EPHA3: variants seen among roughly 807,000 people sequenced by gnomAD.
EPHA3 encodes the protein EPH receptor A3, also known as ephrin type-A receptor 3.
EPHA3 carries 42 observed loss-of-function variants against 107.1 expected under a neutral mutation model. The ratio of observed to expected loss-of-function variants is 0.39; its 90% CI spans 0.31 to 0.51. The LOEUF (loss-of-function observed/expected upper bound fraction) is 0.51. Ranked by LOEUF, EPHA3 falls within the 20% of genes least tolerant of loss-of-function variation. The probability of loss-of-function intolerance (pLI) is 0.78; values close to 1 mark genes in which losing one functional copy is unlikely to be tolerated. For synonymous variants in EPHA3, 461 were observed against 424.8 expected (o/e 1.09, Z -1.05); for missense variants, 1,183 against 1,211.2 (o/e 0.98, Z 0.35).
intron 10 of EPHA3, among the ~76,000 whole-genome samples, chr3:89,417,377 A>C (rs1275126873): frequency 6.6e-6 from 1 of 151,520 alleles, no homozygotes. Context: ...AGAATATGTG[A>C]TGATGACATC....
intron 2 of EPHA3, among the ~76,000 whole-genome samples, chr3:89,189,010 G>A (rs1705640128): frequency 6.6e-6 from 1 of 152,176 alleles, no homozygotes; most frequent in Non-Finnish European, 1.5e-5. Flanking sequence ...TATAGTAAGT[G>A]CTTCTCTCAT....
At chr3:89,187,902 C>G (rs1326908748) in intron 2 of EPHA3, among the ~76,000 whole-genome samples, 1 of 152,058 alleles carries the variant, frequency 6.6e-6, no homozygotes, top group Admixed American at 6.6e-5. Flanking sequence ...TATTAATTAA[C>G]ACTAAAAATC....
At chr3:89,333,990 ATATCT>A (rs1248562415) in intron 3 of EPHA3, among the ~76,000 whole-genome samples, 7 of 152,170 alleles carry the variant, frequency 4.6e-5, no homozygotes, top group Admixed American at 3.9e-4. Context: ...AAAAGAGAAA[ATATCT>A]TATATTTTTA....
At chr3:89,139,953 GACAC>G (rs1704393658) in intron 2 of EPHA3, among the ~76,000 whole-genome samples, 3 of 151,808 alleles carry the variant, frequency 2.0e-5, no homozygotes, top group Admixed American at 2.0e-4. Flanking sequence ...CAAATCTGGA[GACAC>G]AGCAGACAAA....
At chr3:89,296,141 A>C (rs760049220) in intron 3 of EPHA3, among the ~76,000 whole-genome samples, 5 of 152,192 alleles carry the variant, frequency 3.3e-5, no homozygotes, top group Non-Finnish European at 7.4e-5. Context: ...AAGGATTGGA[A>C]TCAACTTCTT....
chr3:89,436,635 T>C (rs1299891992), intron 13 of EPHA3, among the ~76,000 whole-genome samples: 2 of 152,212 alleles, frequency 1.3e-5, no homozygotes, highest in Non-Finnish European at 2.9e-5. Context: ...GAGGAATGTA[T>C]AGAAATTATA....
chr3:89,294,796 T>A (rs1706305110), intron 3 of EPHA3, among the ~76,000 whole-genome samples: 1 of 152,214 alleles, frequency 6.6e-6, no homozygotes, highest in East Asian at 1.9e-4. Context: ...CTGAGTTGAT[T>A]TTGACTGATT....
chr3:89,479,492 T>G lies in EPHA3; in HGVS notation c.2942T>G (p.Val981Gly). Reference sequence around the variant, plus strand: ...GAAACGCAATCAAAGAATGGCCCAGTTCCCGTGTAAAGCACGGGACGGAAG... The same window carrying G: ...GAAACGCAATCAAAGAATGGCCCAGGTCCCGTGTAAAGCACGGGACGGAAG... The part of the protein sequence containing the change: ...ALETQSKNGP[V>G]PV The change falls in exon 17 of 17, where the codon GTT becomes GGT. Residue 981 changes from valine to glycine, a missense_variant. Transcript: ENST00000336596. 2 of 1,613,878 alleles carry G rather than the reference T, an allele frequency of 1.2e-6. No homozygotes were observed. Among genetic ancestry groups the G allele is most frequent in the Non-Finnish European group, 1.7e-6 (2 of 1,179,772 alleles).
At chr3:89,208,399 A>AAAGGAAGGAAGG (rs11272670) in intron 2 of EPHA3, among the ~76,000 whole-genome samples, 4,059 of 26,766 alleles carry the variant, frequency 0.15, 1,053 homozygotes, top group Non-Finnish European at 0.17. Context: ...GAAAGAAAGA[A>AAAGGAAGGAAGG]AAGGAAGGAA....
chr3:89,385,785 A>C (rs1268856375), intron 5 of EPHA3, among the ~76,000 whole-genome samples: 1 of 152,204 alleles, frequency 6.6e-6, no homozygotes, highest in Non-Finnish European at 1.5e-5. Context: ...GATAGTTTAG[A>C]ATTTCCAAGA....
At chr3:89,204,304 G>A (rs1256819913) in intron 2 of EPHA3, among the ~76,000 whole-genome samples, 2 of 152,084 alleles carry the variant, frequency 1.3e-5, no homozygotes, top group African/African-American at 2.4e-5. Flanking sequence ...GGTATGAATA[G>A]TAGCCATTAT....
chr3:89,451,266 C>A (rs1204028835), intron 15 of EPHA3, among the ~76,000 whole-genome samples: 1 of 151,338 alleles, frequency 6.6e-6, no homozygotes, highest in Non-Finnish European at 1.5e-5. Flanking sequence ...GTGGTTAGAA[C>A]AATGTAAATT....
chr3:89,413,273 A>T lies in EPHA3; in HGVS notation c.1888+7A>T, dbSNP rs1333465818. The T allele has an allele frequency of 6.2e-7, 1 of 1,611,412 alleles. No homozygotes were observed. Among genetic ancestry groups the T allele is most frequent in the South Asian group, 1.1e-5 (1 of 91,032 alleles). On this transcript the variant is annotated splice_region_variant and intron_variant, in intron 10 of 16. Transcript: ENST00000336596. ...GATAAAGTTGTTGGAGCAGGTAACC[A>T]CAATGACCCTACTGCCAACTTAGTA...
intron 12 of EPHA3, 76 bp downstream of exon 12, chr3:89,429,243 C>A: frequency 9.1e-7 from 1 of 1,097,248 alleles, no homozygotes; most frequent in Non-Finnish European, 1.3e-6. Context: ...AATATTGTGC[C>A]AAGCAATTCA....
At chr3:89,238,219 T>C (rs1190941531) in intron 3 of EPHA3, among the ~76,000 whole-genome samples, 7 of 152,138 alleles carry the variant, frequency 4.6e-5, no homozygotes, top group Non-Finnish European at 1.0e-4. Flanking sequence ...TAAGGGGAGG[T>C]AATTACGCAG....
chr3:89,215,470 A>T (rs1459363422), intron 3 of EPHA3, among the ~76,000 whole-genome samples: 5 of 151,918 alleles, frequency 3.3e-5, no homozygotes, highest in Non-Finnish European at 7.4e-5. Flanking sequence ...AGGAAAATAG[A>T]AATGTGAATT....
intron 13 of EPHA3, among the ~76,000 whole-genome samples, chr3:89,445,135 G>A (rs547663069): frequency 1.2e-4 from 18 of 152,162 alleles, no homozygotes; most frequent in East Asian, 9.7e-4. Flanking sequence ...GCTTGGTGGC[G>A]CACACCTCTA....
chr3:89,460,431 T>G (rs1297778922), intron 15 of EPHA3, among the ~76,000 whole-genome samples: 1 of 152,196 alleles, frequency 6.6e-6, no homozygotes, highest in African/African-American at 2.4e-5. Flanking sequence ...TTAGTTAATT[T>G]AATTGAAATG....
At chr3:89,403,467 GT>G (rs1383678004) in intron 7 of EPHA3, among the ~76,000 whole-genome samples, 1 of 151,846 alleles carries the variant, frequency 6.6e-6, no homozygotes, top group Non-Finnish European at 1.5e-5. Context: ...AGGTTTTGAA[GT>G]CTTGAACCGT....
Sources: allele counts gnomAD v4.1 joint callset (sites outside exome capture counted in the v4.1 genomes callset), GRCh38; gene constraint gnomAD v4.1.1; transcripts MANE v1.5; gene names NCBI Gene and HGNC (gene_info 2026-07-23, HGNC 2026-07-21).